Variants in CNTN4 observed in about 807,000 individuals in gnomAD.
CNTN4 encodes the protein contactin 4.
A neutral mutation model predicts 122.5 loss-of-function variants in CNTN4; 77 were observed. That is an observed-to-expected ratio of 0.63 (90% CI 0.52 to 0.76). The LOEUF is 0.76. Among genes scored for constraint, CNTN4 ranks in the 30% least tolerant of loss-of-function variants. The probability of loss-of-function intolerance (pLI) is 0.00; values close to 1 mark genes in which losing one functional copy is unlikely to be tolerated. For synonymous variants in CNTN4, 512 were observed against 447.0 expected (o/e 1.15, Z -1.83); for missense variants, 1,256 against 1,259.1 (o/e 1.00, Z 0.04).
intron 4 of CNTN4, among the ~76,000 whole-genome samples, chr3:2,732,827 T>A (rs2088799398): frequency 6.6e-6 from 1 of 152,216 alleles, no homozygotes; most frequent in Non-Finnish European, 1.5e-5. Flanking sequence ...AATTTCTCCC[T>A]TCATCTTTGT....
rs368906108 is a variant in CNTN4 at position 2,680,538 on chromosome 3, A to G, written c.56-55677A>G. ...TCACTATTTCCTCTTCTAGAAATAT[A>G]TTTCATAACCGGAGATGTGTGCAAT... On this transcript the variant is annotated intron_variant, in intron 4 of 24. Transcript: ENST00000418658. Among the ~76,000 whole-genome samples the G allele has an allele frequency of 2.3e-3, 350 of 152,290 alleles. 2 individuals carry two copies. Among genetic ancestry groups the G allele is most frequent in the South Asian group, 0.012 (56 of 4,832 alleles).
intron 7 of CNTN4, among the ~76,000 whole-genome samples, chr3:2,839,593 A>G (rs1267232644): frequency 6.6e-6 from 1 of 152,144 alleles, no homozygotes; most frequent in East Asian, 1.9e-4. Context: ...GGGCTTTTAA[A>G]TTTTCAAGGA....
chr3:2,634,421 A>G (rs1404629490), intron 4 of CNTN4, among the ~76,000 whole-genome samples: 1 of 152,184 alleles, frequency 6.6e-6, no homozygotes, highest in East Asian at 1.9e-4. Context: ...ATTCAATGCT[A>G]TAATAGTTTT....
intron 2 of CNTN4, among the ~76,000 whole-genome samples, chr3:2,137,826 C>T (rs970393469): frequency 9.2e-5 from 14 of 152,134 alleles, no homozygotes; most frequent in African/African-American, 3.1e-4. Context: ...GTGTTGTGAA[C>T]GCCCTACCCC....
chr3:2,762,766 T>C (rs1458614976), intron 6 of CNTN4, among the ~76,000 whole-genome samples: 1 of 152,166 alleles, frequency 6.6e-6, no homozygotes, highest in East Asian at 1.9e-4. Flanking sequence ...TCTTCCACAA[T>C]GCTTGAATTA....
chr3:2,637,947 A>G (rs1216353500), intron 4 of CNTN4, among the ~76,000 whole-genome samples: 3 of 152,202 alleles, frequency 2.0e-5, no homozygotes, highest in Non-Finnish European at 4.4e-5. Context: ...TGGAATCAGA[A>G]TCTATTTTGC....
At chr3:2,150,572 C>A (rs113995942) in intron 2 of CNTN4, among the ~76,000 whole-genome samples, 3 of 152,176 alleles carry the variant, frequency 2.0e-5, no homozygotes, top group African/African-American at 2.4e-5. Flanking sequence ...GCAGCTACTT[C>A]AAAGCTATCT....
intron 23 of CNTN4, among the ~76,000 whole-genome samples, chr3:3,044,493 C>A (rs562004894): frequency 1.2e-4 from 19 of 152,270 alleles, no homozygotes; most frequent in African/African-American, 4.1e-4. Context: ...CTCTATGAGG[C>A]CTTTCCCCAC....
chr3:2,119,250 T>A (rs373007290), intron 2 of CNTN4, among the ~76,000 whole-genome samples: 43 of 152,296 alleles, frequency 2.8e-4, no homozygotes, highest in African/African-American at 1.0e-3. Flanking sequence ...CTTGCCAACC[T>A]CCATAATCAC....
intron 4 of CNTN4, among the ~76,000 whole-genome samples, chr3:2,601,671 A>T (rs1048825883): frequency 1.3e-5 from 2 of 152,162 alleles, no homozygotes; most frequent in African/African-American, 4.8e-5. Flanking sequence ...TTGGCTTAGG[A>T]TTGCCTTGGC....
intron 14 of CNTN4, among the ~76,000 whole-genome samples, chr3:2,990,755 A>C (rs1694980728): frequency 6.6e-6 from 1 of 152,228 alleles, no homozygotes; most frequent in Non-Finnish European, 1.5e-5. Context: ...AATATTGCTA[A>C]GATAGTAATT....
intron 4 of CNTN4, among the ~76,000 whole-genome samples, chr3:2,669,688 G>T (rs191540487): frequency 5.9e-5 from 9 of 152,202 alleles, no homozygotes; most frequent in African/African-American, 2.2e-4. Context: ...TGATGTTAGG[G>T]TGTCAATTTT....
chr3:2,380,375 G>A (rs1191685058), intron 3 of CNTN4, among the ~76,000 whole-genome samples: 1 of 152,166 alleles, frequency 6.6e-6, no homozygotes, highest in Non-Finnish European at 1.5e-5. Context: ...ATATTAAAGA[G>A]CACTAAGATC....
intron 13 of CNTN4, among the ~76,000 whole-genome samples, chr3:2,949,366 T>A (rs2094713043): frequency 6.6e-6 from 1 of 152,152 alleles, no homozygotes; most frequent in African/African-American, 2.4e-5. Context: ...AATACAGATA[T>A]TATGAAGTTT....
chr3:2,183,247 T>C (rs954976473), intron 2 of CNTN4, among the ~76,000 whole-genome samples: 2 of 152,184 alleles, frequency 1.3e-5, no homozygotes, highest in Admixed American at 1.3e-4. Flanking sequence ...TAAAATTAAT[T>C]TTAACAGCTT....
chr3:2,423,860 G>C (rs1047063381), intron 3 of CNTN4, among the ~76,000 whole-genome samples: 56 of 144,470 alleles, frequency 3.9e-4, no homozygotes, highest in East Asian at 2.3e-4. Flanking sequence ...TATGGTGGGA[G>C]TAATAGTTCT....
chr3:2,381,902 T>C (rs959859915), intron 3 of CNTN4, among the ~76,000 whole-genome samples: 1 of 152,172 alleles, frequency 6.6e-6, no homozygotes, highest in African/African-American at 2.4e-5. Context: ...AAGACCAAAT[T>C]GTCTCTGTAG....
At chr3:2,511,499 G>T (rs892354296) in intron 3 of CNTN4, 1 of 152,254 alleles carries the variant, frequency 6.6e-6, no homozygotes, top group Non-Finnish European at 1.5e-5. Flanking sequence ...CATGCAGCGC[G>T]CAGCGGAGAG....
intron 4 of CNTN4, among the ~76,000 whole-genome samples, chr3:2,592,055 A>T (rs1283824654): frequency 1.3e-5 from 2 of 151,750 alleles, no homozygotes; most frequent in Non-Finnish European, 2.9e-5. Flanking sequence ...GTTTTTTAAA[A>T]TTTTTTGTAC....
Sources: gnomAD v4.1 joint callset for allele counts (sites outside exome capture counted in the v4.1 genomes callset) on GRCh38, gnomAD v4.1.1 for gene constraint, MANE v1.5 for transcripts, NCBI Gene and HGNC (gene_info 2026-07-23, HGNC 2026-07-21) for gene names.